The following GALNT6 variants were observed in gnomAD, a reference collection of about 807,000 sequenced individuals.
GALNT6 encodes GalNAc transferase 6.
Under a neutral mutation model 65.9 loss-of-function variants are expected in GALNT6, and 51 were observed. The observed-to-expected ratio is 0.77, with a 90% CI of 0.62 to 0.98. The LOEUF is 0.98. GALNT6 is among the 50% of genes least tolerant of loss of function. The pLI, the probability that GALNT6 is intolerant of heterozygous loss-of-function variation, is 0.00. For missense variants in GALNT6, 708 were observed against 803.3 expected (o/e 0.88, Z 1.43); for synonymous variants, 323 against 315.1 (o/e 1.02, Z -0.26).
At chr12:51,355,278 C>A (rs1946711590) in intron 11 of GALNT6, among the ~76,000 whole-genome samples, 1 of 152,122 alleles carries the variant, frequency 6.6e-6, no homozygotes. Context: ...CATGGCAGAG[C>A]TAGCCACGAA....
chr12:51,361,501 C>T (rs2137575491), intron 6 of GALNT6, among the ~76,000 whole-genome samples: 1 of 152,276 alleles, frequency 6.6e-6, no homozygotes, highest in South Asian at 2.1e-4. Flanking sequence ...CTCCTGGAAA[C>T]AGTGGAAGGT....
At chr12:51,378,721 G>A (rs1424276209) in intron 3 of GALNT6, among the ~76,000 whole-genome samples, 2 of 152,158 alleles carry the variant, frequency 1.3e-5, no homozygotes, top group East Asian at 3.8e-4. Context: ...GAGGGAGGGG[G>A]CTGCCACTCA....
At chr12:51,360,925 C>A in intron 6 of GALNT6, 87 bp from the exon 7 acceptor site, 1 of 755,830 alleles carries the variant, frequency 1.3e-6, no homozygotes, top group Admixed American at 2.1e-5. Context: ...GACTCCCCTC[C>A]TAACCCACCT....
rs192500670 is a variant in GALNT6, at chr12:51,364,236, C to T, written c.934G>A (p.Val312Ile). ...DLNTFEFAKP[V>I]QRGRVHSRGN... is the part of the protein sequence containing the mutation. ...CGGCTATGGACTCTGCCCCTCTGGA[C>T]GGGCTTGGCGAACTCAAAAGTATTA... The change falls in exon 6 of 12, where the codon GTC (valine) becomes ATC (isoleucine). Residue 312 changes from valine to isoleucine, a missense_variant. Transcript: ENST00000356317. The T allele has an allele frequency of 1.3e-5, 21 of 1,613,810 alleles. No individual in the cohort carries two copies. The highest frequency in any genetic ancestry group is 3.3e-4 in the Middle Eastern group (2 of 6,084).
intron 2 of GALNT6, among the ~76,000 whole-genome samples, chr12:51,381,030 G>A (rs1281088925): frequency 6.6e-6 from 1 of 152,112 alleles, no homozygotes; most frequent in Non-Finnish European, 1.5e-5. Flanking sequence ...CTTGGGCCCA[G>A]GAGTTCAAGA....
At chr12:51,359,106 C>A (rs1418325352) in intron 8 of GALNT6, 26 bp downstream of exon 8, 5 of 1,585,940 alleles carry the variant, frequency 3.2e-6, no homozygotes, top group Non-Finnish European at 4.3e-6. Context: ...TTCATCTAAA[C>A]CTCTCCGAGA....
intron 2 of GALNT6, among the ~76,000 whole-genome samples, chr12:51,381,130 C>T (rs919562491): frequency 2.6e-5 from 4 of 152,080 alleles, no homozygotes; most frequent in Admixed American, 6.6e-5. Context: ...GTCCTAGCTG[C>T]CTGGGAGGCT....
At chr12:51,379,238 C>A in intron 3 of GALNT6, 53 bp downstream of exon 3, 1 of 1,505,402 alleles carries the variant, frequency 6.6e-7, no homozygotes, top group Non-Finnish European at 8.9e-7. Flanking sequence ...CCATACTAGC[C>A]ATGCCTTTAG....
chr12:51,364,460 TCCTGGGTTA>T, intron 5 of GALNT6, 105 bp from the exon 6 acceptor site: 1 of 760,882 alleles, frequency 1.3e-6, no homozygotes, highest in Non-Finnish European at 2.2e-6. Context: ...GTCCACCTAC[TCCTGGGTTA>T]CAGGCAGCAA....
chr12:51,379,436 C>A lies in GALNT6; in HGVS notation c.346G>T (p.Asp116Tyr). 1 of 1,611,808 alleles carries A rather than the reference C, an allele frequency of 6.2e-7. No homozygotes were observed. The highest frequency in any genetic ancestry group is 1.1e-5 in the South Asian group (1 of 91,000). Residue 116 changes from aspartate to tyrosine, a missense_variant, in exon 3 of 12, where the codon GAT becomes TAT. Asp to Tyr is a radical substitution (Grantham distance 160, BLOSUM62 -3). Coordinates refer to ENST00000356317, the MANE Select transcript of GALNT6 (RefSeq NM_007210.4). ...PPQDPNAPGA[D>Y]GKAFQKSKWT... The stretch of plus-strand genomic sequence containing the variant: ...TTGCTCTTCTGAAATGCTTTTCCAT[C>A]TGCCCCAGGGGCATTGGGGTCCTGT...
At chr12:51,386,475 G>C (rs1206914783) in intron 2 of GALNT6, among the ~76,000 whole-genome samples, 2 of 152,210 alleles carry the variant, frequency 1.3e-5, no homozygotes, top group Non-Finnish European at 2.9e-5. Flanking sequence ...GTGAATGTCA[G>C]AGTCAGCCAT....
intron 8 of GALNT6, 127 bp from the exon 9 acceptor site, chr12:51,358,388 C>T: frequency 9.1e-7 from 1 of 1,096,400 alleles, no homozygotes; most frequent in Non-Finnish European, 1.3e-6. Context: ...GCAACCTTCC[C>T]CTCCTGGGTT....
chr12:51,365,450 A>G lies in GALNT6; in HGVS notation c.794T>C (p.Leu265Pro), dbSNP rs762015083. The G allele has an allele frequency of 6.2e-7, 1 of 1,610,520 alleles. No homozygotes were observed. The highest frequency in any genetic ancestry group is 1.3e-5 in the African/African-American group (1 of 74,838). The change falls in exon 5 of 12, where the codon CTC (leucine) becomes CCC (proline). Residue 265 changes from leucine to proline, a missense_variant. By Grantham distance (98) the Leu-to-Pro change is moderately conservative. Coordinates refer to ENST00000356317, the MANE Select transcript of GALNT6 (RefSeq NM_007210.4). ...CTCACAGTGGGCATCCAGGAACGTG[A>G]GCACCTCCGCCTGTGCCACGCTGGC... ...LGASVAQAEV[L>P]TFLDAHCECF...
At position 51,364,237 on chromosome 12, in the gene GALNT6, G is replaced by A. The variant is rs751682648; in HGVS notation, c.933C>T (p.Pro311=). ...GGCTATGGACTCTGCCCCTCTGGAC[G>A]GGCTTGGCGAACTCAAAAGTATTAA... ...IDLNTFEFAK[P]VQRGRVHSRG... The change falls in exon 6 of 12, where the codon CCC becomes CCT. Residue 311 remains proline (P), a synonymous_variant. Coordinates refer to ENST00000356317, the MANE Select transcript of GALNT6 (RefSeq NM_007210.4). 20 of 1,613,962 alleles carry A rather than the reference G, an allele frequency of 1.2e-5. No homozygotes were observed. The highest frequency in any genetic ancestry group is 1.2e-4 in the Admixed American group (7 of 60,002).
rs1947067109 is a variant in GALNT6 at position 51,365,429 on chromosome 12, C to T, written c.814+1G>A. The T allele has an allele frequency of 1.2e-6, 2 of 1,608,646 alleles. No homozygotes were observed. The highest frequency in any genetic ancestry group is 1.7e-6 in the Non-Finnish European group (2 of 1,177,578). On this transcript the variant is annotated splice_donor_variant, in intron 5 of 11. Transcript: ENST00000356317. LOFTEE classifies it high-confidence loss of function. ...ACCCAGGCCGGTGCCCTGGTACTCA[C>T]AGTGGGCATCCAGGAACGTGAGCAC...
intron 4 of GALNT6, among the ~76,000 whole-genome samples, chr12:51,372,485 A>C (rs545032617): frequency 1.9e-4 from 29 of 152,298 alleles, no homozygotes; most frequent in Non-Finnish European, 2.8e-4. Context: ...CTGGGATTAC[A>C]GGTGTGAGCC....
chr12:51,389,189 T>A (rs1487209382), intron 2 of GALNT6, among the ~76,000 whole-genome samples: 1 of 152,230 alleles, frequency 6.6e-6, no homozygotes. Flanking sequence ...TGTAAAGAGC[T>A]GAGTTCACCC....
chr12:51,379,775 G>A lies in GALNT6; in HGVS notation c.7C>T (p.Leu3Phe). Residue 3 changes from leucine (L) to phenylalanine (F), a missense_variant, in exon 3 of 12, where the codon CTC becomes TTC. Transcript: ENST00000356317. MRLLRRRHMPLRL... is the reference protein window; with the variant it reads MRFLRRRHMPLRL... ...AGGGGCATGTGGCGTCTGCGGAGGAGCCTCATCCTCCAGAACCAAGGGGCA... is the reference window on the plus strand; with the variant it reads ...AGGGGCATGTGGCGTCTGCGGAGGAACCTCATCCTCCAGAACCAAGGGGCA... 6.2e-7 allele frequency: 1 copy of A among 1,603,426 alleles called. No individual in the cohort carries two copies. Among genetic ancestry groups the A allele is most frequent in the Non-Finnish European group, 8.5e-7 (1 of 1,177,916 alleles).
At position 51,351,867 on chromosome 12, in the gene GALNT6, G is replaced by A. The variant is rs528389943; in HGVS notation, c.*2512C>T. ...CAACACAGGTAAGAGAACACAACGC[G>A]AGTTTCCTTGACCAATGCCAGAAAA... On this transcript the variant is annotated 3_prime_UTR_variant, in exon 12 of 12. Transcript: ENST00000356317. 2.0e-5 allele frequency: 3 copies of A among 151,938 alleles called. No individual in the cohort carries two copies. Among genetic ancestry groups the A allele is most frequent in the Non-Finnish European group, 4.4e-5 (3 of 67,976 alleles). The allele number at this position is 151,938 out of a possible 1,614,324, so 9.4% of individuals were successfully genotyped here.
Sources: gnomAD v4.1 joint callset for allele counts (sites outside exome capture counted in the v4.1 genomes callset) on GRCh38, gnomAD v4.1.1 for gene constraint, MANE v1.5 for transcripts, NCBI Gene and HGNC (gene_info 2026-07-23, HGNC 2026-07-21) for gene names.